Variants in PLEKHM1 observed in about 807,000 individuals in gnomAD.
PLEKHM1 encodes the protein pleckstrin homology domain-containing family M member 1.
Under a neutral mutation model 94.3 loss-of-function variants are expected in PLEKHM1, and 28 were observed. That is an observed-to-expected ratio of 0.30 (90% confidence interval 0.22 to 0.41). The LOEUF (loss-of-function observed/expected upper bound fraction) is 0.41. PLEKHM1 is among the 10% of genes least tolerant of loss of function. The pLI is 1.00. For synonymous variants in PLEKHM1, 424 were observed against 581.2 expected (o/e 0.73, Z 3.89); for missense variants, 907 against 1,358.6 (o/e 0.67, Z 5.22).
At chr17:45,452,191 G>A (rs1333429661) in intron 7 of PLEKHM1, among the ~76,000 whole-genome samples, 1 of 152,004 alleles carries the variant, frequency 6.6e-6, no homozygotes, top group Admixed American at 6.6e-5. Flanking sequence ...TGGAACATGG[G>A]CAGGGGGATG....
intron 4 of PLEKHM1, among the ~76,000 whole-genome samples, chr17:45,472,146 T>C (rs1299345295): frequency 6.6e-6 from 1 of 151,382 alleles, no homozygotes; most frequent in African/African-American, 2.5e-5. Flanking sequence ...TGTAACAACT[T>C]TGATGAACTC....
rs1180182222 is a variant in PLEKHM1 at position 45,436,682 on chromosome 17, C to T, written c.*1176G>A. 2 of 454,040 alleles carry T rather than the reference C, an allele frequency of 4.4e-6. No homozygotes were observed. Among genetic ancestry groups the T allele is most frequent in the African/African-American group, 4.0e-5 (2 of 50,018 alleles). 28.1% of individuals were successfully genotyped at this position (454,040 alleles called of 1,614,324 possible). A position where few individuals can be genotyped will look rare whatever the true frequency, so the allele number is the denominator to read the frequency against. ...CCAGACTCCCACCCCAGCCCCAAGG[C>T]CCCTTCAAAGGCAGTCCTGCTCCGG... On this transcript the variant is annotated 3_prime_UTR_variant, in exon 12 of 12. Coordinates refer to ENST00000430334, the MANE Select transcript of PLEKHM1 (RefSeq NM_014798.3).
At chr17:45,481,841 T>C (rs1198450625) in intron 2 of PLEKHM1, among the ~76,000 whole-genome samples, 1 of 152,124 alleles carries the variant, frequency 6.6e-6, no homozygotes, top group Non-Finnish European at 1.5e-5. Flanking sequence ...AAGGAAATCC[T>C]GGCTTCTCCC....
At chr17:45,446,522 T>A (rs1450240996) in intron 8 of PLEKHM1, among the ~76,000 whole-genome samples, 1 of 152,214 alleles carries the variant, frequency 6.6e-6, no homozygotes, top group Non-Finnish European at 1.5e-5. Context: ...GTGATCTCGC[T>A]GTATCATAAG....
chr17:45,445,537 G>T lies in PLEKHM1; in HGVS notation c.2770C>A (p.Gln924Lys), dbSNP rs370740286. Residue 924 changes from glutamine to lysine, a missense_variant, in exon 9 of 12, where the codon CAG becomes AAG. Gln to Lys is a moderately conservative substitution (Grantham distance 53). This residue lies in a region of PLEKHM1 where 254 missense variants were observed against 451.1 expected (regional missense o/e 0.56). Coordinates refer to ENST00000430334, the MANE Select transcript of PLEKHM1 (RefSeq NM_014798.3). This position sits in a 1 kb window ranked among gnomAD's most constrained non-coding sequence, Gnocchi z 4.2. ...AGGTAATCCCCCAGGAGCTTCAGCT[G>T]CTCCCGTCTCCTCCCAATGAGGTGC... ...RMHLIGRRREQLKLLGDYLGL... is the reference protein window; with the variant it reads ...RMHLIGRRREKLKLLGDYLGL... 4.7e-5 allele frequency: 76 copies of T among 1,613,776 alleles called. No individual in the cohort carries two copies. Among genetic ancestry groups the T allele is most frequent in the Non-Finnish European group, 5.9e-5 (70 of 1,179,886 alleles).
Position 45,436,797 on chromosome 17 carries a change from A to G in PLEKHM1, c.*1061T>C. 2 of 454,084 alleles carry G rather than the reference A, an allele frequency of 4.4e-6. No individual in the cohort carries two copies. Among genetic ancestry groups the G allele is most frequent in the Non-Finnish European group, 8.8e-6 (2 of 226,786 alleles). 28.1% of individuals were successfully genotyped at this position (454,084 alleles called of 1,614,324 possible). A position where few individuals can be genotyped will look rare whatever the true frequency, so the allele number is the denominator to read the frequency against. ...TTTGTGAGGTGGTGGCTGCATCCAC[A>G]GGGCAGTTCCCCCGCACGCCCTGCA... On this transcript the variant is annotated 3_prime_UTR_variant, in exon 12 of 12. Transcript: ENST00000430334.
Position 45,445,550 on chromosome 17 carries a change from C to T in PLEKHM1, c.2757G>A (p.Gly919=). 1 of 1,613,878 alleles carries T rather than the reference C, an allele frequency of 6.2e-7. No homozygotes were observed. The highest frequency in any genetic ancestry group is 1.1e-5 in the South Asian group (1 of 91,080). The change falls in exon 9 of 12, where the codon GGG becomes GGA. Residue 919 remains glycine (G), a synonymous_variant. Transcript: ENST00000430334. This position sits in a 1 kb window ranked among gnomAD's most constrained non-coding sequence, Gnocchi z 4.2. ...GGAGCTTCAGCTGCTCCCGTCTCCT[C>T]CCAATGAGGTGCATCCGCTCCACAT... is the stretch of plus-strand genomic sequence containing the variant. ...YEHVERMHLI[G]RRREQLKLLG... is the part of the protein sequence containing the mutation.
chr17:45,485,689 GGAGTTT>G (rs1223209257), intron 1 of PLEKHM1, among the ~76,000 whole-genome samples: 4 of 150,814 alleles, frequency 2.7e-5, no homozygotes, highest in African/African-American at 9.8e-5. Context: ...CTTGAGGTCA[GGAGTTT>G]GAGACCAGCC....
At chr17:45,489,399 AACTTCC>A (rs1357829895) in intron 1 of PLEKHM1, among the ~76,000 whole-genome samples, 2 of 152,202 alleles carry the variant, frequency 1.3e-5, no homozygotes. Context: ...CACCACACAG[AACTTCC>A]CAGAAGCTCT....
intron 8 of PLEKHM1, among the ~76,000 whole-genome samples, chr17:45,449,369 C>A (rs1247003534): frequency 6.6e-6 from 1 of 151,978 alleles, no homozygotes; most frequent in Non-Finnish European, 1.5e-5. Flanking sequence ...CATTCACCCA[C>A]CCATCTACCC....
Position 45,444,321 on chromosome 17 carries a change from G to C in PLEKHM1, c.2837+1149C>G, listed in dbSNP as rs1218595379. ...CTGCCCTCCTGAGGGTGCTGGGAGA[G>C]TACAGCCCTGGGAAGACTGCAGCCT... On this transcript the variant is annotated intron_variant, in intron 9 of 11. Coordinates refer to ENST00000430334, the MANE Select transcript of PLEKHM1 (RefSeq NM_014798.3). The surrounding 1 kb of genome is among the most constrained non-coding windows in gnomAD (Gnocchi z 5.0). 6.6e-6 allele frequency among the ~76,000 whole-genome samples: 1 copy of C among 152,230 alleles called. No individual in the cohort carries two copies. Among genetic ancestry groups the C allele is most frequent in the African/African-American group, 2.4e-5 (1 of 41,444 alleles).
chr17:45,460,894 ATTG>A (rs1294663693), intron 5 of PLEKHM1, among the ~76,000 whole-genome samples: 1 of 150,492 alleles, frequency 6.6e-6, no homozygotes, highest in Non-Finnish European at 1.5e-5. Flanking sequence ...TGTTGTTGTT[ATTG>A]TTGTTGAGAC....
intron 8 of PLEKHM1, among the ~76,000 whole-genome samples, chr17:45,447,222 G>A (rs1193635071): frequency 4.6e-5 from 7 of 152,152 alleles, no homozygotes; most frequent in African/African-American, 1.2e-4. Context: ...GGGGGCTGAG[G>A]GGGCCTCTGA....
At position 45,439,965 on chromosome 17, in the gene PLEKHM1, AT is replaced by A. The variant is rs935723487; in HGVS notation, c.2901+197del. Reference sequence around the variant, plus strand: ...CCTGGGGTTGCTGGAGTGCTTGTTTATTCCAGGGGTGCTGGGGGTATCCGTC... The same window carrying A: ...CCTGGGGTTGCTGGAGTGCTTGTTTATCCAGGGGTGCTGGGGGTATCCGTC... On this transcript the variant is annotated intron_variant, in intron 10 of 11. Coordinates refer to ENST00000430334, the MANE Select transcript of PLEKHM1 (RefSeq NM_014798.3). 71 of 644,614 alleles carry A rather than the reference AT, an allele frequency of 1.1e-4. No homozygotes were observed. In the Admixed American group the frequency reaches 1.7e-3, roughly 15 times the overall value. 39.9% of individuals were successfully genotyped at this position (644,614 alleles called of 1,614,324 possible).
At chr17:45,457,983 T>C (rs960415503) in intron 6 of PLEKHM1, among the ~76,000 whole-genome samples, 186 bp downstream of exon 6, 15 of 152,054 alleles carry the variant, frequency 9.9e-5, no homozygotes, top group African/African-American at 3.4e-4. Context: ...TTTGAGACAA[T>C]ATACTACTTT....
chr17:45,489,793 CA>C (rs2052250219), intron 1 of PLEKHM1, among the ~76,000 whole-genome samples: 1 of 152,066 alleles, frequency 6.6e-6, no homozygotes, highest in Non-Finnish European at 1.5e-5. Context: ...ACTAAGTTCT[CA>C]GGTTGAATGG....
At chr17:45,456,210 T>A (rs2050942327) in intron 6 of PLEKHM1, 1 of 152,236 alleles carries the variant, frequency 6.6e-6, no homozygotes, top group African/African-American at 2.4e-5. Flanking sequence ...ATAGCACTTA[T>A]GACCACCTGA....
In PLEKHM1 at chr17:45,453,308, TG is replaced by T. The variant is rs1374044252; in HGVS notation, c.2497+46del. 3.8e-6 allele frequency: 6 copies of T among 1,586,344 alleles called. No homozygotes were observed. Among genetic ancestry groups the T allele is most frequent in the Non-Finnish European group, 5.1e-6 (6 of 1,165,546 alleles). On this transcript the variant is annotated intron_variant, in intron 7 of 11. Transcript: ENST00000430334. This position sits in a 1 kb window ranked among gnomAD's most constrained non-coding sequence, Gnocchi z 4.1. ...GCCTAAATCAGGAACCAGCAGGAGG[TG>T]GAGTGAGGCTGGCAGGCTGGGGGTG...
chr17:45,485,184 G>A lies in PLEKHM1; in HGVS notation c.-41-2659C>T, dbSNP rs145096766. On this transcript the variant is annotated intron_variant, in intron 1 of 11. Transcript: ENST00000430334. The stretch of plus-strand genomic sequence containing the variant: ...GAGACCAGTTCCACATTCTGGCCAC[G>A]GGGTGACAGGAAAAGGGGGTTGTAT... Among the ~76,000 whole-genome samples the A allele has an allele frequency of 2.0e-3, 299 of 151,898 alleles. 6 individuals are homozygous for A. In the East Asian group the frequency reaches 0.03, roughly 15 times the overall value.
Sources: allele counts gnomAD v4.1 joint callset (sites outside exome capture counted in the v4.1 genomes callset), GRCh38; gene constraint gnomAD v4.1.1; regional missense constraint gnomAD v4.1.1; non-coding constraint Gnocchi (gnomAD v3.1); transcripts MANE v1.5; gene names NCBI Gene and HGNC (gene_info 2026-07-23, HGNC 2026-07-21).